Variants in ASIC2 observed in about 807,000 individuals in gnomAD.
ASIC2 encodes the protein acid sensing ion channel subunit 2.
In ASIC2, 25 loss-of-function variants were observed where a neutral mutation model predicts 57.3. That is an observed-to-expected ratio of 0.44 (90% confidence interval 0.32 to 0.61). The LOEUF is 0.61. Ranked by LOEUF, ASIC2 falls within the 20% of genes least tolerant of loss-of-function variation. The pLI, the probability that ASIC2 is intolerant of heterozygous loss-of-function variation, is 0.06. For missense variants in ASIC2, 641 were observed against 738.1 expected, an observed-to-expected ratio of 0.87 and a Z score of 1.52; for synonymous variants, 319 against 307.5, an observed-to-expected ratio of 1.04 and a Z score of -0.39.
chr17:33,656,768 TTTAC>T (rs1166861725), intron 1 of ASIC2, among the ~76,000 whole-genome samples: 1 of 152,166 alleles, frequency 6.6e-6, no homozygotes, highest in Non-Finnish European at 1.5e-5. Flanking sequence ...TAATCATCTG[TTTAC>T]TTACTTGTTT....
intron 1 of ASIC2, among the ~76,000 whole-genome samples, chr17:33,405,070 G>A (rs1910421496): frequency 6.6e-6 from 1 of 151,830 alleles, no homozygotes; most frequent in Non-Finnish European, 1.5e-5. Flanking sequence ...GGACAGGCAT[G>A]TGCTTGTCTC....
At chr17:33,476,504 C>T (rs376678711) in intron 1 of ASIC2, among the ~76,000 whole-genome samples, 8 of 122,754 alleles carry the variant, frequency 6.5e-5, no homozygotes, top group East Asian at 5.1e-4. Flanking sequence ...TGTGTGTGTG[C>T]ATATATATAT....
At chr17:33,831,106 CAAAAAAAAAAAAAAAAAAAAAAAA>C (rs56841196) in intron 1 of ASIC2, among the ~76,000 whole-genome samples, 1 of 22,936 alleles carries the variant, frequency 4.4e-5, no homozygotes, top group Admixed American at 1.0e-3. Context: ...AAGGCTCTGT[CAAAAAAAAAAAAAAAAAAAAAAAA>C]AAAAAAAAAA....
At chr17:33,046,637 CT>C (rs1328923041) in intron 3 of ASIC2, among the ~76,000 whole-genome samples, 3 of 152,146 alleles carry the variant, frequency 2.0e-5, no homozygotes, top group Non-Finnish European at 4.4e-5. Context: ...CCTCCATAGC[CT>C]CAGAACAGAT....
At chr17:33,198,067 A>G (rs1319997973) in intron 1 of ASIC2, among the ~76,000 whole-genome samples, 2 of 152,184 alleles carry the variant, frequency 1.3e-5, no homozygotes, top group African/African-American at 4.8e-5. Flanking sequence ...CTAACATCAT[A>G]GACTTGGTGT....
At chr17:33,698,333 A>G (rs918269610) in intron 1 of ASIC2, among the ~76,000 whole-genome samples, 6 of 152,180 alleles carry the variant, frequency 3.9e-5, no homozygotes, top group Non-Finnish European at 8.8e-5. Context: ...ATGGGGAGAA[A>G]AGCAGCATCT....
At chr17:34,097,944 C>T (rs1444539210) in intron 1 of ASIC2, among the ~76,000 whole-genome samples, 1 of 152,094 alleles carries the variant, frequency 6.6e-6, no homozygotes, top group Non-Finnish European at 1.5e-5. Flanking sequence ...GGGAGTAGTT[C>T]TGGAGGTAAA....
chr17:33,918,794 C>T (rs1477307893), intron 1 of ASIC2, among the ~76,000 whole-genome samples: 1 of 152,180 alleles, frequency 6.6e-6, no homozygotes, highest in Admixed American at 6.5e-5. Context: ...GAAGTAAGGG[C>T]TTGATCTGGA....
intron 1 of ASIC2, among the ~76,000 whole-genome samples, chr17:33,570,826 C>G (rs928516635): frequency 6.6e-6 from 1 of 152,132 alleles, no homozygotes; most frequent in Non-Finnish European, 1.5e-5. Flanking sequence ...CATGTGGCAT[C>G]TCATCCTCAA....
chr17:33,035,283 AT>A (rs1157087678), intron 3 of ASIC2, among the ~76,000 whole-genome samples: 2 of 152,088 alleles, frequency 1.3e-5, no homozygotes, highest in Admixed American at 1.3e-4. Flanking sequence ...TAATTCTAAC[AT>A]TGGGGTTATA....
chr17:33,481,148 T>C (rs1468199685), intron 1 of ASIC2, among the ~76,000 whole-genome samples: 1 of 152,246 alleles, frequency 6.6e-6, no homozygotes, highest in East Asian at 1.9e-4. Flanking sequence ...TTCTGGTGCC[T>C]GAGTTGCTGA....
At chr17:34,029,375 CAAA>C (rs60189628) in intron 1 of ASIC2, among the ~76,000 whole-genome samples, 5,534 of 110,432 alleles carry the variant, frequency 0.05, 302 homozygotes, top group African/African-American at 0.14. Context: ...GTGCTAAAAC[CAAA>C]AAAAAAAAAA....
intron 1 of ASIC2, among the ~76,000 whole-genome samples, chr17:33,328,597 G>A (rs1907174309): frequency 6.6e-6 from 1 of 152,134 alleles, no homozygotes. Context: ...GGGGGTACAT[G>A]CGATACTTGC....
chr17:33,681,391 T>C lies in ASIC2; in HGVS notation c.555+474587A>G, dbSNP rs181096328. Among the ~76,000 whole-genome samples, 17 of 152,256 alleles carry C rather than the reference T, an allele frequency of 1.1e-4. No homozygotes were observed. In the East Asian group the frequency reaches 3.1e-3, roughly 28 times the overall value. ...ATACCAGTTGCACCTCCCCAAATTGTGATAATCAAAGATTTCTCCAGGCAT... is the reference window on the plus strand; with the variant it reads ...ATACCAGTTGCACCTCCCCAAATTGCGATAATCAAAGATTTCTCCAGGCAT... On this transcript the variant is annotated intron_variant, in intron 1 of 9. Transcript: ENST00000359872.
At chr17:33,393,192 A>C (rs1909962477) in intron 1 of ASIC2, among the ~76,000 whole-genome samples, 1 of 152,140 alleles carries the variant, frequency 6.6e-6, no homozygotes, top group Non-Finnish European at 1.5e-5. Context: ...CTATAAAATA[A>C]AGCCCAAGCT....
chr17:33,959,239 C>T (rs1268552302), intron 1 of ASIC2, among the ~76,000 whole-genome samples: 1 of 152,224 alleles, frequency 6.6e-6, no homozygotes, highest in Non-Finnish European at 1.5e-5. Context: ...GCCCTCCAAA[C>T]TGTTTCAACC....
At chr17:33,055,424 G>C (rs191495443) in intron 3 of ASIC2, among the ~76,000 whole-genome samples, 8 of 152,092 alleles carry the variant, frequency 5.3e-5, no homozygotes, top group Admixed American at 4.6e-4. Context: ...CCAGCCTTCC[G>C]AGAACTTCCT....
chr17:33,880,850 A>G (rs1466208250), intron 1 of ASIC2, among the ~76,000 whole-genome samples: 2 of 152,214 alleles, frequency 1.3e-5, no homozygotes, highest in African/African-American at 4.8e-5. Context: ...ACATCGATGC[A>G]AAAATCCTCA....
chr17:33,711,318 A>G (rs989354968), intron 1 of ASIC2, among the ~76,000 whole-genome samples: 40 of 152,080 alleles, frequency 2.6e-4, no homozygotes, highest in African/African-American at 8.9e-4. Context: ...CTCTCCCAGT[A>G]CTCATCATGG....
Sources: allele counts gnomAD v4.1 joint callset (sites outside exome capture counted in the v4.1 genomes callset), GRCh38; gene constraint gnomAD v4.1.1; transcripts MANE v1.5; gene names NCBI Gene and HGNC (gene_info 2026-07-23, HGNC 2026-07-21).